The following SYCE1 variants were observed in gnomAD, a reference collection of about 807,000 sequenced individuals.
SYCE1 encodes the protein synaptonemal complex central element protein 1, also known as cancer/testis antigen 76.
A neutral mutation model predicts 55.1 loss-of-function variants in SYCE1; 37 were observed. The observed-to-expected ratio is 0.67, with a 90% CI of 0.52 to 0.88. The LOEUF is 0.88. Ranked by LOEUF, SYCE1 falls within the 40% of genes least tolerant of loss-of-function variation. SYCE1 has a pLI of 0.00. For synonymous variants in SYCE1, 163 were observed against 159.4 expected (o/e 1.02, Z -0.17); for missense variants, 399 against 416.4 (o/e 0.96, Z 0.36).
rs1263252916 is a variant in SYCE1, at chr10:133,565,490, C to T, written c.40G>A (p.Ala14Thr). ...RSLTSKAEPT[A>T]GAVDRAEKAG... ...TTCTCAGCCCTGTCCACGGCTCCTGCGGTGGGCTCGGCCTTCGATGTCAGG... is the reference window on the plus strand; with the variant it reads ...TTCTCAGCCCTGTCCACGGCTCCTGTGGTGGGCTCGGCCTTCGATGTCAGG... Residue 14 changes from alanine to threonine, a missense_variant, in exon 1 of 13, where the codon GCA becomes ACA. Ala to Thr is a moderately conservative substitution (Grantham distance 58). Transcript: ENST00000343131. The T allele has an allele frequency of 3.9e-6, 6 of 1,550,116 alleles. No individual in the cohort carries two copies. The highest frequency in any genetic ancestry group is 2.4e-5 in the South Asian group (2 of 83,906).
intron 1 of SYCE1, chr10:133,561,120 C>G (rs992596154): frequency 1.3e-5 from 2 of 152,170 alleles, no homozygotes; most frequent in Admixed American, 1.3e-4. Context: ...TGTGCTCTGA[C>G]CACCCTGCCA....
intron 1 of SYCE1, chr10:133,564,559 A>C (rs1040051570): frequency 8.3e-6 from 3 of 359,840 alleles, no homozygotes; most frequent in African/African-American, 6.6e-5. Flanking sequence ...ATCTCACTGT[A>C]GGGATGCTTT....
chr10:133,555,585 C>T lies in SYCE1; in HGVS notation c.830+12G>A, dbSNP rs1851647166. On this transcript the variant is annotated intron_variant, in intron 11 of 12. Transcript: ENST00000343131. ...CTGGTGGGGGTTGCGGGGACAGGGC[C>T]TCCACACGCACCTCTGCCGCTTCTG... The T allele has an allele frequency of 6.2e-7, 1 of 1,602,988 alleles. No homozygotes were observed. Among genetic ancestry groups the T allele is most frequent in the Admixed American group, 1.7e-5 (1 of 59,200 alleles).
rs1564854914 is a variant in SYCE1, at chr10:133,555,527, G to A, written c.830+70C>T. ...TTTTCAAGAGTCAGAGAGACAGAAG[G>A]TGGAGAGAGGAGATACAACATCAGT... On this transcript the variant is annotated intron_variant, in intron 11 of 12. Coordinates refer to ENST00000343131, the MANE Select transcript of SYCE1 (RefSeq NM_001143764.3). The A allele has an allele frequency of 2.7e-5, 43 of 1,606,898 alleles. 1 individual carries two copies. The highest frequency in any genetic ancestry group is 2.7e-5 in the Non-Finnish European group (32 of 1,178,698).
At chr10:133,560,270 C>G (rs1331972255) in intron 1 of SYCE1, 117 bp from the exon 2 acceptor site, 1 of 790,400 alleles carries the variant, frequency 1.3e-6, no homozygotes, top group African/African-American at 1.7e-5. Context: ...TTCTTCTTGT[C>G]CTGAGGTGGA....
intron 3 of SYCE1, 78 bp from the exon 4 acceptor site, chr10:133,559,029 T>G: frequency 7.0e-7 from 1 of 1,426,110 alleles, no homozygotes; most frequent in Non-Finnish European, 9.6e-7. Context: ...TCATTTGCCT[T>G]CAGGTAAATC....
At chr10:133,554,150 T>C (rs554943537), downstream of SYCE1, 21 of 669,746 alleles carry the variant, frequency 3.1e-5, no homozygotes, top group South Asian at 4.5e-4. Flanking sequence ...TGTTTGATAG[T>C]ATATTGCCAG....
chr10:133,558,231 C>G lies in SYCE1; in HGVS notation c.272-17G>C. ...CTCCATGCACTAGAAAACAGTGACA[C>G]ATTTTGGCATCAGGGACTATGCACT... On this transcript the variant is annotated splice_polypyrimidine_tract_variant and intron_variant, in intron 4 of 12. Transcript: ENST00000343131. The G allele has an allele frequency of 6.2e-7, 1 of 1,614,114 alleles. No homozygotes were observed. The highest frequency in any genetic ancestry group is 8.5e-7 in the Non-Finnish European group (1 of 1,179,948).
upstream of SYCE1, chr10:133,565,668 C>A (rs1184324775): frequency 7.4e-6 from 6 of 806,856 alleles, no homozygotes; most frequent in East Asian, 6.1e-5. Context: ...TGAGGTAATT[C>A]TCCGGCAGGC....
intron 6 of SYCE1, 169 bp downstream of exon 6, chr10:133,557,695 T>C: frequency 1.5e-6 from 1 of 683,914 alleles, no homozygotes. Context: ...GAGTTTCCCT[T>C]AACACTACTG....
chr10:133,562,260 A>AGTGT (rs1564858225), intron 1 of SYCE1, among the ~76,000 whole-genome samples: 1 of 121,886 alleles, frequency 8.2e-6, no homozygotes, highest in African/African-American at 3.1e-5. Flanking sequence ...GCTAACATCC[A>AGTGT]ATGTGTGTGT....
rs372355444 is a variant in SYCE1 at position 133,554,904 on chromosome 10, G to A, written c.*88C>T. The A allele has an allele frequency of 2.7e-5, 40 of 1,466,318 alleles. No homozygotes were observed. The South Asian group carries it at 5.5e-4, about 20-fold the overall frequency. 90.8% of individuals were successfully genotyped at this position (1,466,318 alleles called of 1,614,324 possible). On this transcript the variant is annotated 3_prime_UTR_variant, in exon 13 of 13. Coordinates refer to ENST00000343131, the MANE Select transcript of SYCE1 (RefSeq NM_001143764.3). The stretch of plus-strand genomic sequence containing the variant: ...GATGTACCTCTGGCCCAGACCAAGA[G>A]GCAGAGTCAAGCCAAGGCTTCAATC...
chr10:133,564,579 G>A (rs1473712533), intron 1 of SYCE1, among the ~76,000 whole-genome samples: 1 of 152,150 alleles, frequency 6.6e-6, no homozygotes, highest in Non-Finnish European at 1.5e-5. Flanking sequence ...TCTGTGCTAA[G>A]CTTGTTTCAG....
At chr10:133,555,296 C>A in intron 12 of SYCE1, 55 bp downstream of exon 12, 1 of 1,608,766 alleles carries the variant, frequency 6.2e-7, no homozygotes, top group East Asian at 2.2e-5. Context: ...CCCGCCCCTT[C>A]CGCTGTCCCT....
intron 4 of SYCE1, 177 bp downstream of exon 4, chr10:133,558,700 G>C: frequency 1.6e-6 from 1 of 641,358 alleles, no homozygotes; most frequent in Non-Finnish European, 2.7e-6. Flanking sequence ...AATGAGGTTG[G>C]AGGGTGTTTC....
chr10:133,560,109 C>T lies in SYCE1; in HGVS notation c.118G>A (p.Val40Met), dbSNP rs1317293344. ...SQKIEDLMEM[V>M]QKLQKVGSLE... ...ACACGACCTTTCTGCAGCTTTTGCA[C>T]CATTTCCATCAAGTCTTCAATTTTC... The change falls in exon 2 of 13, where the codon GTG becomes ATG. Residue 40 changes from valine to methionine, a missense_variant. Coordinates refer to ENST00000343131, the MANE Select transcript of SYCE1 (RefSeq NM_001143764.3). The T allele has an allele frequency of 1.2e-6, 2 of 1,614,090 alleles. No individual in the cohort carries two copies. The highest frequency in any genetic ancestry group is 1.3e-5 in the African/African-American group (1 of 75,024).
chr10:133,558,677 G>A, intron 4 of SYCE1, 200 bp downstream of exon 4: 2 of 589,002 alleles, frequency 3.4e-6, no homozygotes, highest in South Asian at 4.4e-5. Flanking sequence ...TCTGGCAAAA[G>A]CCCTGAGGTG....
At chr10:133,556,846 G>T in intron 7 of SYCE1, 24 bp from the exon 8 acceptor site, 1 of 1,601,510 alleles carries the variant, frequency 6.2e-7, no homozygotes, top group South Asian at 1.1e-5. Context: ...ACAGGCATGA[G>T]GGGATATGGG....
chr10:133,558,732 G>A, intron 4 of SYCE1, 145 bp downstream of exon 4: 1 of 774,946 alleles, frequency 1.3e-6, no homozygotes, highest in Non-Finnish European at 2.1e-6. Flanking sequence ...CACAAGCAGA[G>A]AGGAGAGGGG....
Sources: allele counts gnomAD v4.1 joint callset (sites outside exome capture counted in the v4.1 genomes callset), GRCh38; gene constraint gnomAD v4.1.1; transcripts MANE v1.5; gene names NCBI Gene and HGNC (gene_info 2026-07-23, HGNC 2026-07-21).